The following FNBP1 variants were observed in gnomAD, a reference collection of about 807,000 sequenced individuals.
The protein encoded by FNBP1 is formin binding protein 1.
A neutral mutation model predicts 90.6 loss-of-function variants in FNBP1; 26 were observed. The ratio of observed to expected loss-of-function variants is 0.29; its 90% CI spans 0.21 to 0.40. The LOEUF is 0.40. FNBP1 is among the 10% of genes least tolerant of loss of function. The pLI is 1.00. For missense variants in FNBP1, 635 were observed against 768.0 expected, an observed-to-expected ratio of 0.83 and a Z score of 2.05; for synonymous variants, 260 against 265.2, an observed-to-expected ratio of 0.98 and a Z score of 0.19.
At chr9:129,892,401 A>ACC in intron 16 of FNBP1, among the ~76,000 whole-genome samples, 1 of 147,228 alleles carries the variant, frequency 6.8e-6, no homozygotes, top group Admixed American at 7.1e-5. Flanking sequence ...ACACACACAC[A>ACC]CACACACACA....
the FNBP1 span, among the ~76,000 whole-genome samples, chr9:130,048,491 C>CTTTTTTTTTTTTTTT: frequency 1.3e-4 from 14 of 105,086 alleles, 1 homozygote; most frequent in South Asian, 3.3e-4. Flanking sequence ...CCTCAGTTTC[C>CTTTTTTTTTTTTTTT]TTTTTTTTTT....
intron 1 of FNBP1, among the ~76,000 whole-genome samples, chr9:130,009,694 C>T (rs915901015): frequency 6.6e-6 from 1 of 152,128 alleles, no homozygotes; most frequent in African/African-American, 2.4e-5. Flanking sequence ...CTCATCTACT[C>T]GGGAGGCTGA....
rs3138855 is a variant in FNBP1, at chr9:129,892,366, GACACAC to G, written c.1847-1826_1847-1821del. Among the ~76,000 whole-genome samples the G allele has an allele frequency of 8.8e-3, 909 of 103,470 alleles. 7 individuals are homozygous for G. The highest frequency in any genetic ancestry group is 9.1e-3 in the Non-Finnish European group (483 of 52,804). 67.9% of individuals were successfully genotyped at this position (103,470 alleles called of 152,430 possible). On this transcript the variant is annotated intron_variant, in intron 16 of 16. Transcript: ENST00000446176. The stretch of plus-strand genomic sequence containing the variant: ...GCAATTATTAAATAAGCACATCGTA[GACACAC>G]ACACACACACACACACACACACACA...
the FNBP1 span, among the ~76,000 whole-genome samples, chr9:130,050,127 T>C: frequency 1.3e-5 from 2 of 152,248 alleles, no homozygotes; most frequent in African/African-American, 4.8e-5. Flanking sequence ...CAAAATTACT[T>C]GTTTTTAGCT....
chr9:129,958,941 G>C (rs1048103301), intron 4 of FNBP1, among the ~76,000 whole-genome samples: 34 of 117,406 alleles, frequency 2.9e-4, no homozygotes, highest in African/African-American at 9.3e-4. Flanking sequence ...AGCTGTGATT[G>C]CACCACTGCA....
chr9:129,895,430 A>G, intron 16 of FNBP1: 13 of 1,107,202 alleles, frequency 1.2e-5, no homozygotes, highest in Non-Finnish European at 1.3e-5. Context: ...TATGGTGGAT[A>G]CTAGATATAA....
At chr9:129,964,605 A>G (rs1031405256) in intron 4 of FNBP1, among the ~76,000 whole-genome samples, 6 of 152,116 alleles carry the variant, frequency 3.9e-5, no homozygotes, top group East Asian at 3.9e-4. Context: ...TTAAAAAAAA[A>G]AAAAAATCAC....
Position 129,923,978 on chromosome 9 carries a change from C to T in FNBP1, c.1036G>A (p.Ala346Thr), listed in dbSNP as rs373514992. 1 of 1,437,260 alleles carries T rather than the reference C, an allele frequency of 7.0e-7. No individual in the cohort carries two copies. Among genetic ancestry groups the T allele is most frequent in the East Asian group, 2.7e-5 (1 of 36,994 alleles). The allele number at this position is 1,437,260 out of a possible 1,614,324, so 89.0% of individuals were successfully genotyped here. A position where few individuals can be genotyped will look rare whatever the true frequency, so the allele number is the denominator to read the frequency against. The change falls in exon 10 of 17, where the codon GCC (alanine) becomes ACC (threonine). Residue 346 changes from alanine (A) to threonine (T), a missense_variant. Transcript: ENST00000446176. ...SPHQPPPPPP[A>T]SASPSAVPNG... is the part of the protein sequence containing the mutation. ...GGAACAGCAGAGGGTGAGGCAGAGG[C>T]AGGAGGGGGAGGGGGAGGCTGATGG...
chr9:129,932,389 T>C (rs1478315073), intron 6 of FNBP1, among the ~76,000 whole-genome samples: 3 of 152,254 alleles, frequency 2.0e-5, no homozygotes, highest in Non-Finnish European at 4.4e-5. Context: ...TTTTTTTTCA[T>C]GTCAATCTTC....
intron 2 of FNBP1, among the ~76,000 whole-genome samples, chr9:129,980,762 G>C (rs1208248786): frequency 6.6e-6 from 1 of 151,154 alleles, no homozygotes; most frequent in Non-Finnish European, 1.5e-5. Context: ...TAGAGAAATA[G>C]CCATAGCAGC....
At chr9:130,023,241 A>G (rs1445241989) in intron 1 of FNBP1, among the ~76,000 whole-genome samples, 1 of 152,156 alleles carries the variant, frequency 6.6e-6, no homozygotes, top group East Asian at 1.9e-4. Context: ...GGGCAGTCAC[A>G]CACCAGGTGT....
chr9:130,048,293 C>A, the FNBP1 span, among the ~76,000 whole-genome samples: 25 of 112,190 alleles, frequency 2.2e-4, no homozygotes, highest in African/African-American at 8.2e-4. Flanking sequence ...TCCAGCCTGG[C>A]GACAGAGCAA....
chr9:129,980,697 A>T, intron 2 of FNBP1, among the ~76,000 whole-genome samples: 1 of 151,236 alleles, frequency 6.6e-6, no homozygotes, highest in Non-Finnish European at 1.5e-5. Context: ...AACCCTCACT[A>T]ACACTGGTTC....
At chr9:130,014,195 AG>A (rs1241613909) in intron 1 of FNBP1, among the ~76,000 whole-genome samples, 1 of 151,694 alleles carries the variant, frequency 6.6e-6, no homozygotes, top group Non-Finnish European at 1.5e-5. Flanking sequence ...GTGATCAGGG[AG>A]GGGCCAGCAG....
intron 6 of FNBP1, among the ~76,000 whole-genome samples, chr9:129,943,933 C>A (rs545228860): frequency 6.9e-6 from 1 of 145,976 alleles, no homozygotes; most frequent in African/African-American, 2.6e-5. Flanking sequence ...GCAGAGCTTG[C>A]AGTGAGCCAA....
chr9:129,918,037 G>T (rs1329280071), intron 10 of FNBP1, among the ~76,000 whole-genome samples: 1 of 152,126 alleles, frequency 6.6e-6, no homozygotes, highest in East Asian at 1.9e-4. Flanking sequence ...TACACTATTT[G>T]CTCTCTACTC....
chr9:129,909,460 C>A (rs901960023), intron 11 of FNBP1, among the ~76,000 whole-genome samples: 3 of 152,132 alleles, frequency 2.0e-5, no homozygotes, highest in African/African-American at 7.2e-5. Flanking sequence ...AGTATTCCTG[C>A]CAGTCTCTTC....
intron 16 of FNBP1, among the ~76,000 whole-genome samples, chr9:129,894,547 A>T (rs2035445233): frequency 6.6e-6 from 1 of 152,258 alleles, no homozygotes; most frequent in Non-Finnish European, 1.5e-5. Flanking sequence ...GTCTTTGAAC[A>T]GCAATGTGCT....
chr9:129,919,833 T>C (rs1282413072), intron 10 of FNBP1, among the ~76,000 whole-genome samples: 3 of 152,326 alleles, frequency 2.0e-5, no homozygotes, highest in Admixed American at 6.5e-5. Context: ...GCTGTTAAGT[T>C]ACAAAGTAGA....
Sources: gnomAD v4.1 joint callset for allele counts (sites outside exome capture counted in the v4.1 genomes callset) on GRCh38, gnomAD v4.1.1 for gene constraint, MANE v1.5 for transcripts, NCBI Gene and HGNC (gene_info 2026-07-23, HGNC 2026-07-21) for gene names.